Variants in PHACTR3 observed in about 807,000 individuals in gnomAD.
PHACTR3 encodes protein phosphatase 1, regulatory subunit 123.
PHACTR3 carries 16 observed loss-of-function variants against 66.8 expected under a neutral mutation model. The observed-to-expected ratio is 0.24, with a 90% confidence interval of 0.16 to 0.36. The LOEUF (loss-of-function observed/expected upper bound fraction) is 0.36, where lower values mean the gene tolerates loss of function less well. Ranked by LOEUF, PHACTR3 falls within the 10% of genes least tolerant of loss-of-function variation. PHACTR3 has a pLI of 1.00. For synonymous variants in PHACTR3, 323 were observed against 292.1 expected (o/e 1.11, Z -1.08); for missense variants, 647 against 719.9 (o/e 0.90, Z 1.16).
At chr20:59,725,690 C>T (rs1344001864) in intron 1 of PHACTR3, among the ~76,000 whole-genome samples, 1 of 152,180 alleles carries the variant, frequency 6.6e-6, no homozygotes, top group African/African-American at 2.4e-5. Flanking sequence ...TAGTATCAGG[C>T]ACAGCTGTGC....
intron 1 of PHACTR3, among the ~76,000 whole-genome samples, chr20:59,615,959 A>T (rs1016164429): frequency 2.6e-5 from 4 of 152,192 alleles, no homozygotes; most frequent in African/African-American, 9.7e-5. Flanking sequence ...TGGAGTCAGA[A>T]TCACCTTGGA....
rs552980813 is a variant in PHACTR3 at position 59,625,742 on chromosome 20, C to T, written c.118+20610C>T. On this transcript the variant is annotated intron_variant, in intron 1 of 12. Coordinates refer to ENST00000371015, the MANE Select transcript of PHACTR3 (RefSeq NM_080672.5). Reference sequence around the variant, plus strand: ...GGCATGCAGGCTTTTCCTCTGCATGCACCGTCTCTGTCTTGCGTGACAGCC... The same window carrying T: ...GGCATGCAGGCTTTTCCTCTGCATGTACCGTCTCTGTCTTGCGTGACAGCC... Among the ~76,000 whole-genome samples, 306 of 152,270 alleles carry T rather than the reference C, an allele frequency of 2.0e-3. 1 individual carries two copies. The highest frequency in any genetic ancestry group is 4.4e-3 in the Admixed American group (67 of 15,294).
intron 2 of PHACTR3, among the ~76,000 whole-genome samples, chr20:59,745,596 G>A (rs1354849659): frequency 6.6e-6 from 1 of 152,226 alleles, no homozygotes; most frequent in Non-Finnish European, 1.5e-5. Flanking sequence ...TCAAATTCCT[G>A]ATTTCACGGG....
At chr20:59,789,088 G>A (rs1165495667) in intron 7 of PHACTR3, among the ~76,000 whole-genome samples, 1 of 152,206 alleles carries the variant, frequency 6.6e-6, no homozygotes, top group Admixed American at 6.5e-5. Flanking sequence ...ACTGTTTCGA[G>A]GCATTGAACA....
At chr20:59,595,372 G>A (rs1423951642) in intron 1 of PHACTR3, among the ~76,000 whole-genome samples, 1 of 152,204 alleles carries the variant, frequency 6.6e-6, no homozygotes, top group African/African-American at 2.4e-5. Context: ...TGAGGCAGGA[G>A]AATGGCTTGA....
At chr20:59,674,177 C>T (rs879129929) in intron 1 of PHACTR3, among the ~76,000 whole-genome samples, 4 of 143,532 alleles carry the variant, frequency 2.8e-5, no homozygotes, top group African/African-American at 5.7e-5. Flanking sequence ...AAGGGCAAGA[C>T]GTCTTCTAAC....
intron 8 of PHACTR3, among the ~76,000 whole-genome samples, chr20:59,817,475 TAGG>T (rs748476764): frequency 6.6e-6 from 1 of 152,260 alleles, no homozygotes; most frequent in Non-Finnish European, 1.5e-5. Flanking sequence ...TCAGGAGGAA[TAGG>T]AGAGAAAGCT....
chr20:59,739,296 TTGTGGAGCATC>T (rs1406986576), intron 1 of PHACTR3, among the ~76,000 whole-genome samples: 3 of 152,158 alleles, frequency 2.0e-5, no homozygotes, highest in African/African-American at 7.2e-5. Context: ...TGGGGCTGCT[TTGTGGAGCATC>T]TGTGGACACA....
At chr20:59,628,636 G>A in intron 1 of PHACTR3, 1 of 985,410 alleles carries the variant, frequency 1.0e-6, no homozygotes, top group Non-Finnish European at 1.2e-6. Flanking sequence ...AAAAGTACGG[G>A]AGAGGATCAG....
At chr20:59,775,258 G>C (rs2040496627) in intron 7 of PHACTR3, among the ~76,000 whole-genome samples, 1 of 152,170 alleles carries the variant, frequency 6.6e-6, no homozygotes, top group Admixed American at 6.5e-5. Flanking sequence ...ATTAGTCCCA[G>C]GAAGGTCCAG....
At chr20:59,750,144 C>A (rs1439791373) in intron 3 of PHACTR3, among the ~76,000 whole-genome samples, 1 of 151,810 alleles carries the variant, frequency 6.6e-6, no homozygotes, top group Admixed American at 6.6e-5. Flanking sequence ...CACAAAAAGC[C>A]GGCAACTCAC....
intron 1 of PHACTR3, among the ~76,000 whole-genome samples, chr20:59,673,605 CA>C (rs1384225094): frequency 1.3e-5 from 2 of 152,176 alleles, no homozygotes; most frequent in African/African-American, 4.8e-5. Flanking sequence ...GGAAGACAGG[CA>C]GCTGGGATGG....
intron 11 of PHACTR3, chr20:59,844,756 T>A (rs1223754068): frequency 6.6e-6 from 1 of 152,304 alleles, no homozygotes; most frequent in Non-Finnish European, 1.5e-5. Flanking sequence ...TAAGTTCTAA[T>A]GTTCTATAGC....
intron 1 of PHACTR3, among the ~76,000 whole-genome samples, chr20:59,695,280 T>C (rs115695609): frequency 0.017 from 2,644 of 152,258 alleles, 58 homozygotes; most frequent in Middle Eastern, 0.054. Flanking sequence ...TGGGAGGTGA[T>C]TGGATTCTAG....
rs1458551539 is a variant in PHACTR3, at chr20:59,738,077, C to T, written c.119-5030C>T. The stretch of plus-strand genomic sequence containing the variant: ...TGATGGTGGTAGGGAGGGGGAGGCG[C>T]CACTGCCCCTCCTGCCCACCTTCCA... On this transcript the variant is annotated intron_variant, in intron 1 of 12. Transcript: ENST00000371015. The surrounding 1 kb of genome is among the most constrained non-coding windows in gnomAD (Gnocchi z 4.4). 5.3e-5 allele frequency among the ~76,000 whole-genome samples: 8 copies of T among 152,050 alleles called. No homozygotes were observed. The highest frequency in any genetic ancestry group is 8.8e-5 in the Non-Finnish European group (6 of 68,006).
chr20:59,629,884 C>T (rs80299985), intron 1 of PHACTR3, among the ~76,000 whole-genome samples: 1 of 152,170 alleles, frequency 6.6e-6, no homozygotes, highest in African/African-American at 2.4e-5. Context: ...CCCAACTCCC[C>T]GTGATGGCAT....
chr20:59,781,448 C>T (rs577108707), intron 7 of PHACTR3, among the ~76,000 whole-genome samples: 1 of 152,250 alleles, frequency 6.6e-6, no homozygotes, highest in South Asian at 2.1e-4. Context: ...ACATCTGGGC[C>T]CTGGCTGCCT....
chr20:59,706,478 C>G (rs1205540560), intron 1 of PHACTR3, among the ~76,000 whole-genome samples: 1 of 152,234 alleles, frequency 6.6e-6, no homozygotes, highest in Admixed American at 6.5e-5. Flanking sequence ...GTGACCCCAT[C>G]TAGGTGGTTG....
At chr20:59,789,071 T>G (rs2041012892) in intron 7 of PHACTR3, among the ~76,000 whole-genome samples, 1 of 152,206 alleles carries the variant, frequency 6.6e-6, no homozygotes, top group Non-Finnish European at 1.5e-5. Context: ...ACAAAATGAA[T>G]GAGAGGACTG....
Sources: allele counts gnomAD v4.1 joint callset (sites outside exome capture counted in the v4.1 genomes callset), GRCh38; gene constraint gnomAD v4.1.1; non-coding constraint Gnocchi (gnomAD v3.1); transcripts MANE v1.5; gene names NCBI Gene and HGNC (gene_info 2026-07-23, HGNC 2026-07-21).